LYZL4: variants seen among roughly 807,000 people sequenced by gnomAD.
LYZL4 encodes the protein lysozyme-like protein 4.
A neutral mutation model predicts 17.6 loss-of-function variants in LYZL4; 13 were observed. The ratio of observed to expected loss-of-function variants is 0.74; its 90% CI spans 0.48 to 1.18. The LOEUF is 1.18. LYZL4 is among the 50% of genes most tolerant of loss of function. The pLI is 0.00. For synonymous variants in LYZL4, 64 were observed against 67.7 expected, an observed-to-expected ratio of 0.95 and a Z score of 0.27; for missense variants, 174 against 188.2, an observed-to-expected ratio of 0.92 and a Z score of 0.44.
At chr3:42,365,175 A>T in the LYZL4 span, among the ~76,000 whole-genome samples, 4 of 152,308 alleles carry the variant, frequency 2.6e-5, no homozygotes, top group Non-Finnish European at 5.9e-5. Flanking sequence ...ATTTTATGGT[A>T]ATTTGGGGAA....
chr3:42,381,504 T>C, the LYZL4 span, among the ~76,000 whole-genome samples: 2 of 152,130 alleles, frequency 1.3e-5, no homozygotes, highest in African/African-American at 2.4e-5. Context: ...AACTGACATA[T>C]GATCCTGAAC....
At chr3:42,381,282 C>G in the LYZL4 span, among the ~76,000 whole-genome samples, 1 of 149,466 alleles carries the variant, frequency 6.7e-6, no homozygotes, top group Non-Finnish European at 1.5e-5. Flanking sequence ...TCATAAATGC[C>G]TATACCAAGA....
the LYZL4 span, among the ~76,000 whole-genome samples, chr3:42,364,793 G>A: frequency 4.1e-3 from 622 of 152,174 alleles, 1 homozygote; most frequent in African/African-American, 0.014. Flanking sequence ...TCTTTTTGGC[G>A]TGTGAGACAA....
downstream of LYZL4, among the ~76,000 whole-genome samples, chr3:42,393,337 G>GCACACACACACA (rs3071913): frequency 3.8e-3 from 562 of 148,906 alleles, 5 homozygotes; most frequent in African/African-American, 0.013. Context: ...GTGTGCGCGT[G>GCACACACACACA]CACACACACA....
chr3:42,363,828 G>A, the LYZL4 span, among the ~76,000 whole-genome samples: 1 of 152,204 alleles, frequency 6.6e-6, no homozygotes, highest in Non-Finnish European at 1.5e-5. Context: ...ATGGGACTAA[G>A]CATTCGTATG....
In LYZL4 at chr3:42,397,323, GA is replaced by G. The variant is rs559027791; in HGVS notation, c.382del (p.Ser128ProfsTer?). 1.5e-4 allele frequency: 238 copies of G among 1,572,664 alleles called. No individual in the cohort carries two copies. In the African/African-American group the frequency reaches 2.8e-3, roughly 19 times the overall value. On this transcript the variant is annotated frameshift_variant, in exon 5 of 5. Coordinates refer to ENST00000287748, the MANE Select transcript of LYZL4 (RefSeq NM_144634.4). LOFTEE classifies it high-confidence loss of function. ...GGTATCGGAGTACTGGCAGTACCGG[GA>G]CCAGGTGGGCCTGTGGAGAGAAGTG... Reference protein sequence around the residue: ...KEGMGAWPTWSRYCQYSDTLA... With the variant: ...KEGMGAWPTWXRYCQYSDTLA...
At chr3:42,387,090 A>G in the LYZL4 span, among the ~76,000 whole-genome samples, 1 of 152,080 alleles carries the variant, frequency 6.6e-6, no homozygotes, top group Non-Finnish European at 1.5e-5. Flanking sequence ...TCCATATTTT[A>G]TTTCTTCATT....
the LYZL4 span, among the ~76,000 whole-genome samples, chr3:42,392,053 G>A: frequency 2.0e-5 from 3 of 151,654 alleles, no homozygotes; most frequent in Admixed American, 2.0e-4. Flanking sequence ...ATTTTTTTTT[G>A]TAGAGACAGG....
At chr3:42,378,238 A>C in the LYZL4 span, among the ~76,000 whole-genome samples, 1 of 152,182 alleles carries the variant, frequency 6.6e-6, no homozygotes, top group African/African-American at 2.4e-5. Flanking sequence ...TCTCTATTAC[A>C]GGGGCCTACA....
chr3:42,371,150 A>T, the LYZL4 span, among the ~76,000 whole-genome samples: 1 of 152,084 alleles, frequency 6.6e-6, no homozygotes, highest in Non-Finnish European at 1.5e-5. Flanking sequence ...CCCCTCTGTA[A>T]TACTGGATGC....
the LYZL4 span, among the ~76,000 whole-genome samples, chr3:42,368,154 T>G: frequency 1.9e-4 from 29 of 152,204 alleles, no homozygotes; most frequent in African/African-American, 6.0e-4. Context: ...CCATTTTGGT[T>G]TACAGCTGCA....
chr3:42,406,695 GC>G, intron 3 of LYZL4, 150 bp downstream of exon 3: 3 of 911,082 alleles, frequency 3.3e-6, no homozygotes, highest in Non-Finnish European at 5.0e-6. Flanking sequence ...GCAGTGCAAT[GC>G]TCAGCCTCCC....
At chr3:42,368,439 T>C in the LYZL4 span, among the ~76,000 whole-genome samples, 2 of 152,266 alleles carry the variant, frequency 1.3e-5, no homozygotes, top group Non-Finnish European at 2.9e-5. Context: ...TAGTATTCTA[T>C]GCAGGTGTAT....
At chr3:42,394,269 A>T (rs969620143), downstream of LYZL4, among the ~76,000 whole-genome samples, 2 of 152,238 alleles carry the variant, frequency 1.3e-5, no homozygotes, top group Non-Finnish European at 2.9e-5. Context: ...TAAGTGCAGC[A>T]TCTTAATTAA....
chr3:42,363,019 T>C, the LYZL4 span, among the ~76,000 whole-genome samples: 1 of 152,126 alleles, frequency 6.6e-6, no homozygotes. Context: ...TGGACAAAAT[T>C]TGAATCTAAA....
the LYZL4 span, among the ~76,000 whole-genome samples, chr3:42,391,698 A>G: frequency 6.6e-6 from 1 of 152,232 alleles, no homozygotes; most frequent in Non-Finnish European, 1.5e-5. Context: ...GTAGGAAATC[A>G]GAAGCCGAGA....
chr3:42,376,792 C>T, the LYZL4 span, among the ~76,000 whole-genome samples: 2 of 152,132 alleles, frequency 1.3e-5, no homozygotes, highest in South Asian at 2.1e-4. Context: ...AAAGAGAATC[C>T]GGTTTCAAGG....
At chr3:42,400,132 G>A (rs1344668070) in intron 4 of LYZL4, among the ~76,000 whole-genome samples, 3 of 152,068 alleles carry the variant, frequency 2.0e-5, no homozygotes, top group Admixed American at 2.0e-4. Flanking sequence ...CTGCCTTCAG[G>A]GCACATGATT....
chr3:42,378,370 G>A, the LYZL4 span, among the ~76,000 whole-genome samples: 1 of 152,158 alleles, frequency 6.6e-6, no homozygotes, highest in Non-Finnish European at 1.5e-5. Context: ...CTTTGCCAAA[G>A]TTATATATCC....
Sources: allele counts gnomAD v4.1 joint callset (sites outside exome capture counted in the v4.1 genomes callset), GRCh38; gene constraint gnomAD v4.1.1; transcripts MANE v1.5; gene names NCBI Gene and HGNC (gene_info 2026-07-23, HGNC 2026-07-21).